Variants in MGAM observed in about 807,000 individuals in gnomAD.
MGAM encodes the protein alpha-1,4-glucosidase.
Under a neutral mutation model 358.8 loss-of-function variants are expected in MGAM, and 253 were observed. The observed-to-expected ratio is 0.71, with a 90% CI of 0.64 to 0.78. The LOEUF (loss-of-function observed/expected upper bound fraction) is 0.78, where lower values mean the gene tolerates loss of function less well. MGAM is among the 30% of genes least tolerant of loss of function. The probability of loss-of-function intolerance (pLI) is 0.00; values close to 1 mark genes in which losing one functional copy is unlikely to be tolerated. For synonymous variants in MGAM, 1,105 were observed against 1,227.1 expected (o/e 0.90, Z 2.08); for missense variants, 3,080 against 3,432.6 (o/e 0.90, Z 2.57).
intron 21 of MGAM, among the ~76,000 whole-genome samples, chr7:142,041,926 A>G (rs1808676989): frequency 3.3e-5 from 1 of 29,894 alleles, no homozygotes; most frequent in African/African-American, 2.7e-4. Context: ...CGTATAATAT[A>G]TAATATATAT....
rs1554465742 is a variant in MGAM at position 142,036,196 on chromosome 7, T to C, written c.1987T>C (p.Leu663=). ...GGGTCCTGACATATGTGGCTTTGCT[T>C]TGGACACCCCTGAGGAGCTCTGTAG... ...MVGPDICGFA[L]DTPEELCRRW... is the part of the protein sequence containing the mutation. Residue 663 remains leucine (L), a synonymous_variant, in exon 17 of 71, where the codon TTG becomes CTG. Transcript: ENST00000475668. 2 of 1,612,228 alleles carry C rather than the reference T, an allele frequency of 1.2e-6. No homozygotes were observed. Among genetic ancestry groups the C allele is most frequent in the Non-Finnish European group, 1.7e-6 (2 of 1,179,198 alleles).
At chr7:142,097,337 A>G (rs536239175) in intron 65 of MGAM, among the ~76,000 whole-genome samples, 2 of 66,286 alleles carry the variant, frequency 3.0e-5, no homozygotes, top group Non-Finnish European at 7.0e-5. Flanking sequence ...TTCTATAAGC[A>G]AATAGTGAAT....
intron 68 of MGAM, among the ~76,000 whole-genome samples, chr7:142,102,153 C>T (rs1044648804): frequency 6.6e-6 from 1 of 152,142 alleles, no homozygotes; most frequent in African/African-American, 2.4e-5. Flanking sequence ...CTGGAGATCA[C>T]ATTTTTAAAT....
At chr7:142,097,337 A>C (rs536239175) in intron 65 of MGAM, among the ~76,000 whole-genome samples, 1 of 66,394 alleles carries the variant, frequency 1.5e-5, no homozygotes, top group East Asian at 4.1e-4. Context: ...TTCTATAAGC[A>C]AATAGTGAAT....
Position 142,078,361 on chromosome 7 carries a change from A to G in MGAM, c.5537A>G (p.Tyr1846Cys), listed in dbSNP as rs1349621104. ...TDINLFLGEAYTVEWSIKIRD... is the reference protein window; with the variant it reads ...TDINLFLGEACTVEWSIKIRD... ...ATCAATCTTTTCCTGGGAGAAGCAT[A>G]CACAGTGGAGTGGAGCATAAAGATA... The change falls in exon 48 of 71, where the codon TAC (tyrosine) becomes TGC (cysteine). Residue 1846 changes from tyrosine (Y) to cysteine (C), a missense_variant. Transcript: ENST00000475668. 2 of 1,511,082 alleles carry G rather than the reference A, an allele frequency of 1.3e-6. No homozygotes were observed. The highest frequency in any genetic ancestry group is 1.4e-5 in the African/African-American group (1 of 73,942). 93.6% of individuals were successfully genotyped at this position (1,511,082 alleles called of 1,614,324 possible).
Position 142,045,993 on chromosome 7 carries a change from C to T in MGAM, c.2499-1792C>T, listed in dbSNP as rs374355293. ...ATGTAATATATATTATGTATACATA[C>T]AATATGTAATATATATTATGTATAC... is the stretch of plus-strand genomic sequence containing the variant. On this transcript the variant is annotated intron_variant, in intron 21 of 70. Transcript: ENST00000475668. Among the ~76,000 whole-genome samples the T allele has an allele frequency of 4.0e-3, 462 of 116,556 alleles. 49 individuals carry two copies. The highest frequency in any genetic ancestry group is 5.8e-3 in the South Asian group (23 of 3,960). The allele number at this position is 116,556 out of a possible 152,430, so 76.5% of individuals were successfully genotyped here.
intron 21 of MGAM, among the ~76,000 whole-genome samples, chr7:142,046,002 A>ATATATATTATGTATACATACAATATGTAT: frequency 7.4e-6 from 1 of 134,938 alleles, no homozygotes; most frequent in African/African-American, 2.8e-5. Context: ...ACAATATGTA[A>ATATATATTATGTATACATACAATATGTAT]TATATATTAT....
At position 142,062,638 on chromosome 7, in the gene MGAM, T is replaced by C. The variant is rs1812329534; in HGVS notation, c.4193T>C (p.Ile1398Thr). Residue 1398 changes from isoleucine (I) to threonine (T), a missense_variant, in exon 35 of 71, where the codon ATA (isoleucine) becomes ACA (threonine). Physicochemically the swap from Ile to Thr is moderately conservative, Grantham distance 89. This residue lies in a region of MGAM where 1,816 missense variants were observed against 1,840.5 expected (regional missense o/e 0.99). Transcript: ENST00000475668. ...ACTGCCAAGTGGTGGAAGAGGGAAATAGAAGAACTATACAACAATCCACAG... is the reference window on the plus strand; with the variant it reads ...ACTGCCAAGTGGTGGAAGAGGGAAACAGAAGAACTATACAACAATCCACAG... Reference protein sequence around the residue: ...NSTAKWWKREIEELYNNPQNP... With the variant: ...NSTAKWWKRETEELYNNPQNP... 1 of 1,612,984 alleles carries C rather than the reference T, an allele frequency of 6.2e-7. No individual in the cohort carries two copies. The highest frequency in any genetic ancestry group is 8.5e-7 in the Non-Finnish European group (1 of 1,179,226).
At chr7:142,002,354 T>G (rs1804798254) in intron 1 of MGAM, among the ~76,000 whole-genome samples, 1 of 152,062 alleles carries the variant, frequency 6.6e-6, no homozygotes, top group Non-Finnish European at 1.5e-5. Flanking sequence ...TCCAACAGCA[T>G]GTGGAAAAGA....
intron 36 of MGAM, among the ~76,000 whole-genome samples, 191 bp from the exon 37 acceptor site, chr7:142,064,193 G>A (rs778331106): frequency 1.5e-4 from 23 of 152,190 alleles, no homozygotes; most frequent in Non-Finnish European, 2.4e-4. Flanking sequence ...CAGTGAACTT[G>A]ATGTTGGAAA....
chr7:142,055,607 A>G lies in MGAM; in HGVS notation c.3364A>G (p.Ile1122Val). ...TACCTTCAGTGACATGTTTATCCGC[A>G]TCTCCACCCGCCTTCCCTCCAAGTA... ...GFTFSDMFIR[I>V]STRLPSKYLY... The change falls in exon 28 of 71, where the codon ATC (isoleucine) becomes GTC (valine). Residue 1122 changes from isoleucine (I) to valine (V), a missense_variant. Ile to Val is a conservative substitution (Grantham distance 29). Transcript: ENST00000475668. 1 of 1,613,818 alleles carries G rather than the reference A, an allele frequency of 6.2e-7. No homozygotes were observed. The highest frequency in any genetic ancestry group is 2.2e-5 in the East Asian group (1 of 44,854).
Position 142,080,930 on chromosome 7 carries a change from G to A in MGAM, c.5987G>A (p.Ser1996Asn). 6.4e-7 allele frequency: 1 copy of A among 1,555,164 alleles called. No individual in the cohort carries two copies. Among genetic ancestry groups the A allele is most frequent in the African/African-American group, 1.3e-5 (1 of 74,632 alleles). Residue 1996 changes from serine (S) to asparagine (N), a missense_variant, in exon 50 of 71, where the codon AGT (serine) becomes AAT (asparagine). Physicochemically the swap from Ser to Asn is conservative, Grantham distance 46. Around this residue, in one of 5 missense-constraint regions of MGAM, gnomAD observed 932 missense variants for 1,198.2 expected, o/e 0.78. Coordinates refer to ENST00000475668, the MANE Select transcript of MGAM (RefSeq NM_001365693.1). ...NPFGIEIRRK[S>N]TGTIIWDSQL... is the part of the protein sequence containing the mutation. ...TTTGGGATTGAAATTCGCCGGAAGA[G>A]TACAGGCACTATAATGTGAGTGGCT...
chr7:142,062,196 A>G (rs1332446547), intron 34 of MGAM, among the ~76,000 whole-genome samples: 1 of 152,126 alleles, frequency 6.6e-6, no homozygotes, highest in Non-Finnish European at 1.5e-5. Context: ...ACCTATTACC[A>G]TGCATCTCAT....
intron 30 of MGAM, 85 bp downstream of exon 30, chr7:142,057,027 T>C (rs1811620753): frequency 8.2e-7 from 1 of 1,214,986 alleles, no homozygotes; most frequent in African/African-American, 1.5e-5. Flanking sequence ...TAACTCTCAG[T>C]TGACAACTGG....
chr7:142,071,174 A>G, intron 44 of MGAM, 56 bp downstream of exon 44: 2 of 1,499,796 alleles, frequency 1.3e-6, no homozygotes, highest in Non-Finnish European at 1.8e-6. Context: ...ACAATTTGTG[A>G]TGAAGTCTAC....
chr7:142,023,237 T>C (rs1259832418), intron 7 of MGAM, among the ~76,000 whole-genome samples: 2 of 151,780 alleles, frequency 1.3e-5, no homozygotes, highest in Non-Finnish European at 2.9e-5. Flanking sequence ...AATTTTTGTA[T>C]TTTTTTTGTA....
intron 49 of MGAM, among the ~76,000 whole-genome samples, 156 bp from the exon 50 acceptor site, chr7:142,080,635 T>A (rs1814172836): frequency 6.8e-6 from 1 of 146,314 alleles, no homozygotes; most frequent in African/African-American, 2.4e-5. Flanking sequence ...AATCTGACAT[T>A]GTTATTTGAT....
intron 9 of MGAM, 59 bp from the exon 10 acceptor site, chr7:142,027,551 G>A (rs781874281): frequency 3.4e-5 from 55 of 1,594,590 alleles, no homozygotes; most frequent in African/African-American, 2.7e-5. Context: ...GCAATGCTTC[G>A]AAAAATTTTT....
intron 44 of MGAM, among the ~76,000 whole-genome samples, chr7:142,071,955 C>A (rs1813379768): frequency 1.4e-5 from 2 of 146,152 alleles, no homozygotes; most frequent in South Asian, 4.3e-4. Flanking sequence ...AAGCCAGAAA[C>A]CTGTCTTTTC....
Sources: allele counts gnomAD v4.1 joint callset (sites outside exome capture counted in the v4.1 genomes callset), GRCh38; gene constraint gnomAD v4.1.1; regional missense constraint gnomAD v4.1.1; transcripts MANE v1.5; gene names NCBI Gene and HGNC (gene_info 2026-07-23, HGNC 2026-07-21).